ADAMTS17: variants seen among roughly 807,000 people sequenced by gnomAD.
ADAMTS17 encodes the protein A disintegrin and metalloproteinase with thrombospondin motifs 17.
In ADAMTS17, 113 loss-of-function variants were observed where a neutral mutation model predicts 141.5. The ratio of observed to expected loss-of-function variants is 0.80; its 90% CI spans 0.69 to 0.93. ADAMTS17 has a LOEUF of 0.93. ADAMTS17 is among the 40% of genes least tolerant of loss of function. The pLI, the probability that ADAMTS17 is intolerant of heterozygous loss-of-function variation, is 0.00. For missense variants in ADAMTS17, 1,659 were observed against 1,517.9 expected (o/e 1.09, Z -1.54); for synonymous variants, 768 against 630.6 (o/e 1.22, Z -3.27).
rs77496894 is a variant in ADAMTS17 at position 100,182,837 on chromosome 15, G to A, written c.1181+16481C>T. Among the ~76,000 whole-genome samples the A allele has an allele frequency of 6.3e-3, 956 of 152,268 alleles. 13 individuals carry two copies. The highest frequency in any genetic ancestry group is 0.021 in the African/African-American group (892 of 41,550). ...ATTTAGTTTTGATGTGCCTTAGTGT[G>A]AATTTCTTAGAGCTTATCCTATTTG... On this transcript the variant is annotated intron_variant, in intron 8 of 21. Coordinates refer to ENST00000268070, the MANE Select transcript of ADAMTS17 (RefSeq NM_139057.4).
chr15:100,335,429 C>T (rs555374191), intron 2 of ADAMTS17, among the ~76,000 whole-genome samples: 209 of 152,248 alleles, frequency 1.4e-3, no homozygotes, highest in African/African-American at 5.0e-3. Context: ...TGAAGGCTAC[C>T]CTCCTCCCTC....
At chr15:100,195,499 G>C (rs1039672649) in intron 8 of ADAMTS17, among the ~76,000 whole-genome samples, 1 of 151,052 alleles carries the variant, frequency 6.6e-6, no homozygotes, top group African/African-American at 2.4e-5. Context: ...CCATGTTTCC[G>C]TAAGACCACA....
At chr15:100,315,512 C>T (rs1380717121) in intron 3 of ADAMTS17, among the ~76,000 whole-genome samples, 1 of 152,128 alleles carries the variant, frequency 6.6e-6, no homozygotes, top group Non-Finnish European at 1.5e-5. Context: ...TGCATCACTG[C>T]CCTAGATAAG....
At chr15:100,082,222 C>G (rs938376687) in intron 15 of ADAMTS17, among the ~76,000 whole-genome samples, 2 of 152,086 alleles carry the variant, frequency 1.3e-5, no homozygotes, top group Non-Finnish European at 2.9e-5. Flanking sequence ...CGTGCCACCA[C>G]GCCCAGCTAA....
intron 3 of ADAMTS17, among the ~76,000 whole-genome samples, chr15:100,313,869 C>T (rs2045479692): frequency 1.1e-5 from 1 of 88,440 alleles, no homozygotes; most frequent in African/African-American, 5.8e-5. Context: ...CAGACAAAAC[C>T]ACCCCAAACG....
At chr15:100,198,216 T>A (rs977515331) in intron 8 of ADAMTS17, among the ~76,000 whole-genome samples, 13 of 152,128 alleles carry the variant, frequency 8.5e-5, no homozygotes, top group South Asian at 8.3e-4. Flanking sequence ...GGTCATAAAA[T>A]CAATTCAGTG....
At chr15:100,198,362 C>A (rs1055235658) in intron 8 of ADAMTS17, among the ~76,000 whole-genome samples, 11 of 152,140 alleles carry the variant, frequency 7.2e-5, no homozygotes, top group African/African-American at 2.4e-4. Context: ...TGCTTTTATA[C>A]TCCTTCTTAA....
At chr15:100,236,708 C>T (rs1042560557) in intron 7 of ADAMTS17, among the ~76,000 whole-genome samples, 2 of 152,036 alleles carry the variant, frequency 1.3e-5, no homozygotes, top group Admixed American at 6.6e-5. Context: ...CATAGTGGTG[C>T]GTGCCTCTTG....
At chr15:100,174,260 C>A (rs2040259021) in intron 8 of ADAMTS17, among the ~76,000 whole-genome samples, 1 of 150,332 alleles carries the variant, frequency 6.7e-6, no homozygotes, top group Admixed American at 6.6e-5. Flanking sequence ...TTGGGTGAGA[C>A]AGAGGAGGGC....
intron 15 of ADAMTS17, among the ~76,000 whole-genome samples, chr15:100,095,989 G>A (rs747930100): frequency 1.1e-4 from 16 of 152,152 alleles, no homozygotes; most frequent in African/African-American, 1.9e-4. Flanking sequence ...CAGAGCAAAC[G>A]TCTTCCATCG....
intron 15 of ADAMTS17, among the ~76,000 whole-genome samples, chr15:100,093,802 T>G (rs1414672874): frequency 6.6e-6 from 1 of 152,138 alleles, no homozygotes; most frequent in East Asian, 1.9e-4. Flanking sequence ...CCCTCGACTG[T>G]ACCTGGGGTG....
chr15:100,327,639 A>G (rs1185635507), intron 3 of ADAMTS17, among the ~76,000 whole-genome samples: 10 of 152,276 alleles, frequency 6.6e-5, no homozygotes, highest in Non-Finnish European at 1.5e-4. Context: ...AATTAAAACA[A>G]GCACAGAAGG....
intron 3 of ADAMTS17, chr15:100,306,250 T>G (rs2141836958): frequency 1.5e-5 from 5 of 340,140 alleles, no homozygotes; most frequent in South Asian, 1.2e-4. Flanking sequence ...TCTCTGCCCT[T>G]GAACCTGGGT....
rs1567560091 is a variant in ADAMTS17 at position 100,341,852 on chromosome 15, C to A, written c.48G>T (p.Leu16=). ...CCGGGTCCAGTCCCCAAACCAGCAG[C>A]AGCAGCACGGGCAGGACGAGCGGAG... is the stretch of plus-strand genomic sequence containing the variant. ...LLPPLVLPVL[L]LLVWGLDPGT... Residue 16 remains leucine, a synonymous_variant, in exon 1 of 22, where the codon CTG becomes CTT. Transcript: ENST00000268070. 1 of 1,553,258 alleles carries A rather than the reference C, an allele frequency of 6.4e-7. No homozygotes were observed. The highest frequency in any genetic ancestry group is 1.2e-5 in the South Asian group (1 of 84,230).
rs140355720 is a variant in ADAMTS17, at chr15:100,317,951, G to A, written c.616+12938C>T. The stretch of plus-strand genomic sequence containing the variant: ...GGCCAAGAGCAGAGCATAGGACAGC[G>A]TCCTGTGAATGGGACATGTGCTTTT... On this transcript the variant is annotated intron_variant, in intron 3 of 21. Transcript: ENST00000268070. Among the ~76,000 whole-genome samples, 1,064 of 152,244 alleles carry A rather than the reference G, an allele frequency of 7.0e-3. 15 individuals are homozygous for A. Among genetic ancestry groups the A allele is most frequent in the African/African-American group, 0.024 (992 of 41,540 alleles).
intron 8 of ADAMTS17, among the ~76,000 whole-genome samples, chr15:100,188,695 G>A (rs1219327180): frequency 6.6e-6 from 1 of 152,182 alleles, no homozygotes; most frequent in Non-Finnish European, 1.5e-5. Flanking sequence ...ATCAGTGGTG[G>A]CTGTACCAAG....
chr15:100,340,531 T>C (rs2141994906), intron 2 of ADAMTS17, among the ~76,000 whole-genome samples: 1 of 152,256 alleles, frequency 6.6e-6, no homozygotes, highest in Non-Finnish European at 1.5e-5. Flanking sequence ...CCTGTCTGGG[T>C]ACCTCTCCAA....
chr15:100,141,385 G>T (rs917561153), intron 10 of ADAMTS17, among the ~76,000 whole-genome samples: 1 of 152,210 alleles, frequency 6.6e-6, no homozygotes, highest in Non-Finnish European at 1.5e-5. Context: ...TCTGCTGAGG[G>T]TTTGGAGGGC....
At chr15:100,014,969 C>T (rs984276715) in intron 18 of ADAMTS17, among the ~76,000 whole-genome samples, 8 of 152,018 alleles carry the variant, frequency 5.3e-5, no homozygotes, top group Admixed American at 4.6e-4. Flanking sequence ...TACTGAAGTC[C>T]CCCACTATTA....
Sources: allele counts gnomAD v4.1 joint callset (sites outside exome capture counted in the v4.1 genomes callset), GRCh38; gene constraint gnomAD v4.1.1; transcripts MANE v1.5; gene names NCBI Gene and HGNC (gene_info 2026-07-23, HGNC 2026-07-21).